Variants in RSF1 observed in about 807,000 individuals in gnomAD.
The protein encoded by RSF1 is HBV pX-associated protein 8.
RSF1 carries 13 observed loss-of-function variants against 145.2 expected under a neutral mutation model. The ratio of observed to expected loss-of-function variants is 0.09; its 90% CI spans 0.06 to 0.14. The LOEUF (loss-of-function observed/expected upper bound fraction) is 0.14, where lower values mean the gene tolerates loss of function less well. Among genes scored for constraint, RSF1 ranks in the 10% least tolerant of loss-of-function variants. The pLI is 1.00. For missense variants in RSF1, 1,517 were observed against 1,718.2 expected, an observed-to-expected ratio of 0.88 and a Z score of 2.07; for synonymous variants, 577 against 592.6, an observed-to-expected ratio of 0.97 and a Z score of 0.38.
chr11:77,852,223 T>TGAAAA, the RSF1 span, among the ~76,000 whole-genome samples: 1 of 2,076 alleles, frequency 4.8e-4, no homozygotes, highest in African/African-American at 2.6e-3. Flanking sequence ...AGACACTGTC[T>TGAAAA]CAAAAAAAAA....
At chr11:77,744,507 G>GTTGCCC (rs931716618) in intron 3 of RSF1, among the ~76,000 whole-genome samples, 1 of 152,056 alleles carries the variant, frequency 6.6e-6, no homozygotes, top group Admixed American at 6.6e-5. Flanking sequence ...ATCTCGCTAT[G>GTTGCCC]TTGCCCAGGC....
At chr11:77,798,977 GAAA>G (rs1024213095) in intron 1 of RSF1, among the ~76,000 whole-genome samples, 1 of 139,730 alleles carries the variant, frequency 7.2e-6, no homozygotes, top group African/African-American at 2.7e-5. Flanking sequence ...AAAAAAAAAA[GAAA>G]AAAAAGAGCC....
At chr11:77,683,205 C>T (rs943580962) in intron 11 of RSF1, among the ~76,000 whole-genome samples, 1 of 152,066 alleles carries the variant, frequency 6.6e-6, no homozygotes, top group African/African-American at 2.4e-5. Context: ...GCACGAGAAT[C>T]GCTTGAACCC....
chr11:77,698,032 T>C (rs1279796222), intron 7 of RSF1, among the ~76,000 whole-genome samples: 1 of 152,230 alleles, frequency 6.6e-6, no homozygotes, highest in Admixed American at 6.5e-5. Flanking sequence ...CAGCCATCCA[T>C]GAGACAGGGT....
chr11:77,833,623 T>C, the RSF1 span, among the ~76,000 whole-genome samples: 72 of 152,194 alleles, frequency 4.7e-4, 2 homozygotes, highest in South Asian at 0.014. Flanking sequence ...TACCCAGGGG[T>C]TGGGGACTCC....
chr11:77,666,867 G>T lies in RSF1; in HGVS notation c.*50C>A. On this transcript the variant is annotated 3_prime_UTR_variant, in exon 16 of 16. Transcript: ENST00000308488. Reference sequence around the variant, plus strand: ...AACAGCTTTTAATAACTGGCCCGCTGGTGTGAGAGCTACCGTGGAATAAAT... The same window carrying T: ...AACAGCTTTTAATAACTGGCCCGCTTGTGTGAGAGCTACCGTGGAATAAAT... 1 of 1,412,228 alleles carries T rather than the reference G, an allele frequency of 7.1e-7. No individual in the cohort carries two copies. The highest frequency in any genetic ancestry group is 9.5e-7 in the Non-Finnish European group (1 of 1,048,648). The allele number at this position is 1,412,228 out of a possible 1,614,324, so 87.5% of individuals were successfully genotyped here.
In RSF1 at chr11:77,661,706, C is replaced by T. The variant is rs1364880854; in HGVS notation, c.*5211G>A. The T allele has an allele frequency of 6.6e-6, 1 of 151,432 alleles. No homozygotes were observed. The highest frequency in any genetic ancestry group is 1.5e-5 in the Non-Finnish European group (1 of 67,900). 9.4% of individuals were successfully genotyped at this position (151,432 alleles called of 1,614,324 possible). ...TAGGGTATTTTCCCACCTCCCATCC[C>T]TTAAAAGCTGTACAGTTATTTTTTT... On this transcript the variant is annotated 3_prime_UTR_variant, in exon 16 of 16. Coordinates refer to ENST00000308488, the MANE Select transcript of RSF1 (RefSeq NM_016578.4).
chr11:77,782,960 CATTT>C (rs1205545977), intron 1 of RSF1, among the ~76,000 whole-genome samples: 1 of 152,174 alleles, frequency 6.6e-6, no homozygotes, highest in Non-Finnish European at 1.5e-5. Context: ...TGTTCATATA[CATTT>C]ATTTGTTCCT....
chr11:77,830,549 G>A, the RSF1 span, among the ~76,000 whole-genome samples: 3 of 142,168 alleles, frequency 2.1e-5, no homozygotes, highest in African/African-American at 8.0e-5. Flanking sequence ...AAAGCTCAGG[G>A]CCCTTGTCCA....
At chr11:77,846,647 G>A in the RSF1 span, among the ~76,000 whole-genome samples, 10 of 152,220 alleles carry the variant, frequency 6.6e-5, no homozygotes, top group South Asian at 6.2e-4. Flanking sequence ...TGGAGGTTGC[G>A]GTGAGCCAAG....
chr11:77,790,277 G>A (rs1414320743), intron 1 of RSF1, among the ~76,000 whole-genome samples: 1 of 152,264 alleles, frequency 6.6e-6, no homozygotes, highest in East Asian at 1.9e-4. Flanking sequence ...GAGAGCTTGT[G>A]CAGGAAAACT....
At chr11:77,679,753 A>G (rs1959809980) in intron 11 of RSF1, among the ~76,000 whole-genome samples, 1 of 151,992 alleles carries the variant, frequency 6.6e-6, no homozygotes, top group South Asian at 2.1e-4. Context: ...ATTATAACTG[A>G]AATTCATACA....
intron 4 of RSF1, among the ~76,000 whole-genome samples, chr11:77,733,934 T>C (rs1961272535): frequency 6.6e-6 from 1 of 152,198 alleles, no homozygotes; most frequent in African/African-American, 2.4e-5. Flanking sequence ...TTACATCATA[T>C]TTGATTAGAT....
At chr11:77,729,152 C>G (rs1961133968) in intron 4 of RSF1, among the ~76,000 whole-genome samples, 1 of 152,160 alleles carries the variant, frequency 6.6e-6, no homozygotes, top group Admixed American at 6.5e-5. Flanking sequence ...TCTCTATTTG[C>G]TAAATTTCTC....
chr11:77,686,786 A>G (rs1232073058), intron 9 of RSF1, among the ~76,000 whole-genome samples: 1 of 152,152 alleles, frequency 6.6e-6, no homozygotes, highest in Admixed American at 6.6e-5. Flanking sequence ...ACTCACTGAA[A>G]TGTATATCCA....
chr11:77,769,320 TA>T (rs1289711582), intron 1 of RSF1, among the ~76,000 whole-genome samples: 1 of 152,264 alleles, frequency 6.6e-6, no homozygotes, highest in African/African-American at 2.4e-5. Context: ...TGACAAGCTC[TA>T]AATTTATTTA....
At chr11:77,832,951 A>ATGTGTGTGTGTGTG in the RSF1 span, among the ~76,000 whole-genome samples, 1 of 68,418 alleles carries the variant, frequency 1.5e-5, no homozygotes, top group Admixed American at 1.9e-4. Context: ...GTATATATAT[A>ATGTGTGTGTGTGTG]TGTGTGTGTG....
At chr11:77,756,609 T>C (rs1384946109) in intron 2 of RSF1, among the ~76,000 whole-genome samples, 1 of 152,018 alleles carries the variant, frequency 6.6e-6, no homozygotes, top group Non-Finnish European at 1.5e-5. Context: ...ATGGGTAAAC[T>C]AGTAAGAAAA....
At chr11:77,798,866 G>C (rs1948599349) in intron 1 of RSF1, among the ~76,000 whole-genome samples, 1 of 151,230 alleles carries the variant, frequency 6.6e-6, no homozygotes, top group Non-Finnish European at 1.5e-5. Flanking sequence ...ATAACATTAG[G>C]AGACATACCT....
Sources: allele counts gnomAD v4.1 joint callset (sites outside exome capture counted in the v4.1 genomes callset), GRCh38; gene constraint gnomAD v4.1.1; transcripts MANE v1.5; gene names NCBI Gene and HGNC (gene_info 2026-07-23, HGNC 2026-07-21).